Variants in CFAP299 observed in about 807,000 individuals in gnomAD.
CFAP299 encodes cilia and flagella associated protein 299.
CFAP299 carries 21 observed loss-of-function variants against 27.0 expected under a neutral mutation model. That is an observed-to-expected ratio of 0.78 (90% CI 0.55 to 1.12). CFAP299 has a LOEUF of 1.12. Ranked by LOEUF, CFAP299 falls within the 50% of genes most tolerant of loss-of-function variation. CFAP299 has a pLI of 0.00. For missense variants in CFAP299, 310 were observed against 276.6 expected (o/e 1.12, Z -0.86); for synonymous variants, 104 against 98.1 (o/e 1.06, Z -0.36).
chr4:80,423,205 G>A (rs1727370817), intron 2 of CFAP299, among the ~76,000 whole-genome samples: 1 of 152,146 alleles, frequency 6.6e-6, no homozygotes. Context: ...AGGCCTCATA[G>A]TCATTTCTAC....
At chr4:80,809,320 CAGG>C (rs922628952) in intron 3 of CFAP299, among the ~76,000 whole-genome samples, 1 of 152,068 alleles carries the variant, frequency 6.6e-6, no homozygotes, top group African/African-American at 2.4e-5. Flanking sequence ...CGGGTGGGAA[CAGG>C]AGAATTGCAT....
chr4:80,565,501 C>T (rs888025380), intron 2 of CFAP299, among the ~76,000 whole-genome samples: 4 of 151,950 alleles, frequency 2.6e-5, no homozygotes, highest in Non-Finnish European at 4.4e-5. Context: ...AGAAAGGACT[C>T]GGGGAGATGC....
rs1190166557 is a variant in CFAP299, at chr4:80,447,145, T to G, written c.242+84261T>G. ...TTTTTTTTTTGTTTTTTTTTTTTTT[T>G]TTTTTTTTGAGACGGAGTCTCGCTC... On this transcript the variant is annotated intron_variant, in intron 2 of 5. Transcript: ENST00000358105. 7.4e-4 allele frequency among the ~76,000 whole-genome samples: 96 copies of G among 129,474 alleles called. 2 individuals are homozygous for G. The highest frequency in any genetic ancestry group is 1.0e-3 in the African/African-American group (30 of 30,056). The allele number at this position is 129,474 out of a possible 152,430, so 84.9% of individuals were successfully genotyped here. A position where few individuals can be genotyped will look rare whatever the true frequency, so the allele number is the denominator to read the frequency against.
At chr4:80,327,678 T>G in the CFAP299 span, among the ~76,000 whole-genome samples, 547 of 133,356 alleles carry the variant, frequency 4.1e-3, 4 homozygotes, top group Non-Finnish European at 6.3e-3. Context: ...TACATATATA[T>G]ATAGAGAGAA....
At chr4:80,851,995 T>C (rs1163590289) in intron 3 of CFAP299, among the ~76,000 whole-genome samples, 1 of 152,178 alleles carries the variant, frequency 6.6e-6, no homozygotes, top group Admixed American at 6.6e-5. Context: ...TCTGGGCTTC[T>C]TTTGGCAATT....
intron 3 of CFAP299, among the ~76,000 whole-genome samples, chr4:80,658,156 A>G (rs1740660965): frequency 6.6e-6 from 1 of 152,178 alleles, no homozygotes; most frequent in Non-Finnish European, 1.5e-5. Context: ...TTTTCTAGGT[A>G]TACAATCATG....
intron 3 of CFAP299, among the ~76,000 whole-genome samples, chr4:80,631,039 T>G (rs559889932): frequency 6.6e-6 from 1 of 152,186 alleles, no homozygotes; most frequent in African/African-American, 2.4e-5. Context: ...TAAAATATAG[T>G]TGTTTCCTTT....
intron 4 of CFAP299, among the ~76,000 whole-genome samples, chr4:80,881,998 A>G (rs1733727870): frequency 6.6e-6 from 1 of 152,300 alleles, no homozygotes; most frequent in South Asian, 2.1e-4. Flanking sequence ...AGATTTTATC[A>G]GGCAGAATAA....
At chr4:80,695,941 C>T (rs1014015149) in intron 3 of CFAP299, among the ~76,000 whole-genome samples, 2 of 152,058 alleles carry the variant, frequency 1.3e-5, no homozygotes, top group Admixed American at 6.6e-5. Flanking sequence ...TGAGCCACAG[C>T]GCCCAGCTGT....
intron 4 of CFAP299, among the ~76,000 whole-genome samples, chr4:80,941,211 A>G (rs533006240): frequency 2.4e-4 from 37 of 152,318 alleles, no homozygotes; most frequent in Non-Finnish European, 5.1e-4. Flanking sequence ...TGTTCAATAA[A>G]GACACATTTT....
rs1391108058 is a variant in CFAP299 at position 80,447,102 on chromosome 4, G to GTTTTTGC, written c.242+84224_242+84230dup. Among the ~76,000 whole-genome samples, 715 of 128,582 alleles carry GTTTTTGC rather than the reference G, an allele frequency of 5.6e-3. 2 individuals are homozygous for GTTTTTGC. The highest frequency in any genetic ancestry group is 0.028 in the Middle Eastern group (7 of 254). 84.4% of individuals were successfully genotyped at this position (128,582 alleles called of 152,430 possible). ...ACAATGGTAGTGTTTCTTTGTTTTTGTTTTTGCTTTTTATTTGTTTTTTTT... is the reference window on the plus strand; with the variant it reads ...ACAATGGTAGTGTTTCTTTGTTTTTGTTTTTGCTTTTTGCTTTTTATTTGTTTTTTTT... On this transcript the variant is annotated intron_variant, in intron 2 of 5. Coordinates refer to ENST00000358105, the MANE Select transcript of CFAP299 (RefSeq NM_152770.3).
chr4:80,834,091 A>T (rs1000120810), intron 3 of CFAP299, among the ~76,000 whole-genome samples: 6 of 152,216 alleles, frequency 3.9e-5, no homozygotes, highest in Admixed American at 3.3e-4. Flanking sequence ...CATAGTGTTC[A>T]GTGGAGGAGG....
intron 2 of CFAP299, among the ~76,000 whole-genome samples, chr4:80,508,495 C>G (rs1732138744): frequency 6.6e-6 from 1 of 152,118 alleles, no homozygotes; most frequent in African/African-American, 2.4e-5. Flanking sequence ...ATGGCCTTAT[C>G]TCTCTTTTAA....
chr4:80,937,289 T>A (rs1467772134), intron 4 of CFAP299, among the ~76,000 whole-genome samples: 1 of 146,328 alleles, frequency 6.8e-6, no homozygotes, highest in Non-Finnish European at 1.5e-5. Context: ...AATATCATTT[T>A]TCTTTTTTCT....
intron 2 of CFAP299, among the ~76,000 whole-genome samples, chr4:80,567,542 G>T (rs1735363950): frequency 6.6e-6 from 1 of 151,828 alleles, no homozygotes; most frequent in Admixed American, 6.6e-5. Context: ...AAAAAGGGGA[G>T]GAGACTAAAA....
At chr4:80,681,438 A>AC (rs1719837072) in intron 3 of CFAP299, among the ~76,000 whole-genome samples, 2 of 151,598 alleles carry the variant, frequency 1.3e-5, no homozygotes, top group African/African-American at 4.8e-5. Flanking sequence ...AAAAAAAAAA[A>AC]CTGAGAAATC....
chr4:80,826,769 A>G lies in CFAP299; in HGVS notation c.334-43224A>G, dbSNP rs138741152. Reference sequence around the variant, plus strand: ...CATAATACACAATTTTCCTAAGTGCATGTGGGACATTGTCCATGATAGTTT... The same window carrying G: ...CATAATACACAATTTTCCTAAGTGCGTGTGGGACATTGTCCATGATAGTTT... On this transcript the variant is annotated intron_variant, in intron 3 of 5. Transcript: ENST00000358105. Among the ~76,000 whole-genome samples, 606 of 152,042 alleles carry G rather than the reference A, an allele frequency of 4.0e-3. 1 individual carries two copies. The highest frequency in any genetic ancestry group is 6.8e-3 in the Middle Eastern group (2 of 294).
At chr4:80,409,868 G>C (rs1218322034) in intron 2 of CFAP299, among the ~76,000 whole-genome samples, 1 of 152,170 alleles carries the variant, frequency 6.6e-6, no homozygotes, top group Non-Finnish European at 1.5e-5. Context: ...GTTTTATCAA[G>C]AGAGGGATAC....
chr4:80,620,251 G>A (rs1485739763), intron 3 of CFAP299, among the ~76,000 whole-genome samples: 2 of 152,124 alleles, frequency 1.3e-5, no homozygotes, highest in South Asian at 4.1e-4. Context: ...TTTCAGGGTT[G>A]CATGTATGTC....
Sources: allele counts gnomAD v4.1 joint callset (sites outside exome capture counted in the v4.1 genomes callset), GRCh38; gene constraint gnomAD v4.1.1; transcripts MANE v1.5; gene names NCBI Gene and HGNC (gene_info 2026-07-23, HGNC 2026-07-21).